Variants in DNAI3 observed in about 807,000 individuals in gnomAD.
The protein encoded by DNAI3 is WD repeat domain 63.
Under a neutral mutation model 115.5 loss-of-function variants are expected in DNAI3, and 83 were observed. The observed-to-expected ratio is 0.72, with a 90% CI of 0.60 to 0.86. The LOEUF is 0.86. Among genes scored for constraint, DNAI3 ranks in the 40% least tolerant of loss-of-function variants. The pLI is 0.00. For missense variants in DNAI3, 1,004 were observed against 1,075.8 expected (o/e 0.93, Z 0.93); for synonymous variants, 320 against 347.0 (o/e 0.92, Z 0.86).
intron 1 of DNAI3, among the ~76,000 whole-genome samples, chr1:85,062,764 A>G (rs1386870548): frequency 6.6e-6 from 1 of 151,672 alleles, no homozygotes; most frequent in Non-Finnish European, 1.5e-5. Flanking sequence ...CATATTGCCT[A>G]GTACATAGTA....
chr1:85,130,148 C>A, intron 22 of DNAI3, 36 bp downstream of exon 22: 2 of 1,611,160 alleles, frequency 1.2e-6, no homozygotes, highest in Non-Finnish European at 1.7e-6. Context: ...ATGTTTTCCT[C>A]GAACACCAGT....
intron 8 of DNAI3, 53 bp from the exon 9 acceptor site, chr1:85,093,405 A>G (rs1466985458): frequency 6.5e-7 from 1 of 1,541,242 alleles, no homozygotes; most frequent in Non-Finnish European, 8.9e-7. Context: ...TAGTCACATT[A>G]TTGGATACTA....
intron 1 of DNAI3, among the ~76,000 whole-genome samples, chr1:85,064,312 C>A (rs1341754950): frequency 6.6e-6 from 1 of 152,066 alleles, no homozygotes; most frequent in African/African-American, 2.4e-5. Context: ...AATAGGATAG[C>A]ATCTACTCAA....
chr1:85,117,046 G>A (rs554827994), intron 16 of DNAI3, among the ~76,000 whole-genome samples: 1 of 152,012 alleles, frequency 6.6e-6, no homozygotes, highest in Admixed American at 6.6e-5. Context: ...TTTCCTCTTG[G>A]GTAATATGAC....
At chr1:85,111,795 T>A (rs1238158272) in intron 16 of DNAI3, among the ~76,000 whole-genome samples, 3 of 152,200 alleles carry the variant, frequency 2.0e-5, no homozygotes, top group Non-Finnish European at 4.4e-5. Context: ...CACTGAGGTA[T>A]AATTGACATA....
chr1:85,087,635 G>A (rs1026064744), intron 7 of DNAI3, among the ~76,000 whole-genome samples: 2 of 152,004 alleles, frequency 1.3e-5, no homozygotes, highest in African/African-American at 4.8e-5. Flanking sequence ...TTACTGCTAT[G>A]TTCCCAACTC....
chr1:85,099,819 A>G (rs1036710644), intron 13 of DNAI3, among the ~76,000 whole-genome samples: 1 of 152,224 alleles, frequency 6.6e-6, no homozygotes, highest in African/African-American at 2.4e-5. Context: ...ATAATGCCGC[A>G]TATCTACAAC....
intron 13 of DNAI3, among the ~76,000 whole-genome samples, chr1:85,103,715 C>T (rs143673182): frequency 0.052 from 7,842 of 151,738 alleles, 268 homozygotes; most frequent in East Asian, 0.15. Flanking sequence ...AGCGAAACCC[C>T]GTCTCTACTA....
intron 13 of DNAI3, among the ~76,000 whole-genome samples, chr1:85,102,762 A>G (rs1429160367): frequency 6.6e-6 from 1 of 152,224 alleles, no homozygotes; most frequent in African/African-American, 2.4e-5. Context: ...ACAAAATTAT[A>G]TGCATACCTT....
At chr1:85,087,434 CAAAAAAAAAAA>C (rs1162431713) in intron 7 of DNAI3, among the ~76,000 whole-genome samples, 1 of 46,654 alleles carries the variant, frequency 2.1e-5, no homozygotes, top group African/African-American at 8.6e-5. Context: ...GACTCCATCT[CAAAAAAAAAAA>C]AAAAAAAAAA....
At position 85,083,261 on chromosome 1, in the gene DNAI3, G is replaced by A. The variant is rs1019266391; in HGVS notation, c.390+857G>A. On this transcript the variant is annotated intron_variant, in intron 5 of 22. Transcript: ENST00000294664. ...TCCCAGCACTTCGGGAGGCTGAGGCGGGATCACTTGAGGCCAGAAGTTCCA... is the reference window on the plus strand; with the variant it reads ...TCCCAGCACTTCGGGAGGCTGAGGCAGGATCACTTGAGGCCAGAAGTTCCA... Among the ~76,000 whole-genome samples the A allele has an allele frequency of 1.8e-4, 27 of 152,206 alleles. 1 individual carries two copies. Among genetic ancestry groups the A allele is most frequent in the South Asian group, 8.3e-4 (4 of 4,820 alleles).
At chr1:85,119,982 G>A (rs1345657283) in intron 17 of DNAI3, among the ~76,000 whole-genome samples, 2 of 152,240 alleles carry the variant, frequency 1.3e-5, no homozygotes, top group Non-Finnish European at 2.9e-5. Flanking sequence ...TTACAGGCGT[G>A]AGCCACTGTG....
At chr1:85,068,893 T>G (rs1654179028) in intron 1 of DNAI3, among the ~76,000 whole-genome samples, 1 of 152,156 alleles carries the variant, frequency 6.6e-6, no homozygotes, top group South Asian at 2.1e-4. Context: ...TTAGGAAGCA[T>G]TATGTAGTTC....
chr1:85,111,237 A>G (rs886984288), intron 16 of DNAI3, among the ~76,000 whole-genome samples: 1 of 152,240 alleles, frequency 6.6e-6, no homozygotes, highest in Non-Finnish European at 1.5e-5. Flanking sequence ...ATGCTAAAAA[A>G]TACTGATTCA....
chr1:85,120,345 T>C (rs1470373310), intron 17 of DNAI3, among the ~76,000 whole-genome samples: 1 of 152,158 alleles, frequency 6.6e-6, no homozygotes, highest in East Asian at 1.9e-4. Flanking sequence ...TGATTTCAGG[T>C]GGGCCAGCCC....
rs145604728 is a variant in DNAI3, at chr1:85,124,549, G to A, written c.2112+298G>A. ...CTTCACTGGCATTTTTTGGGGGTGG[G>A]GGCCAAGGTCTCACTGTGTGGTCCA... is the stretch of plus-strand genomic sequence containing the variant. On this transcript the variant is annotated intron_variant, in intron 19 of 22. Coordinates refer to ENST00000294664, the MANE Select transcript of DNAI3 (RefSeq NM_145172.5). 1.8e-4 allele frequency among the ~76,000 whole-genome samples: 28 copies of A among 152,116 alleles called. 1 individual carries two copies. In the South Asian group the frequency reaches 5.6e-3, roughly 30 times the overall value.
At position 85,110,239 on chromosome 1, in the gene DNAI3, C is replaced by T. The variant is rs1463656632; in HGVS notation, c.1786+104C>T. On this transcript the variant is annotated intron_variant, in intron 16 of 22. Transcript: ENST00000294664. The stretch of plus-strand genomic sequence containing the variant: ...GGCTGAGGCGGGCGGATCACGAGGT[C>T]AGCAGATCGAGATCATCCTGGCTAA... The T allele has an allele frequency of 4.3e-6, 4 of 936,608 alleles. No homozygotes were observed. The Admixed American group carries it at 9.3e-5, about 22-fold the overall frequency. The allele number at this position is 936,608 out of a possible 1,614,324, so 58.0% of individuals were successfully genotyped here.
At chr1:85,117,327 CT>C (rs1407084898) in intron 16 of DNAI3, among the ~76,000 whole-genome samples, 1 of 152,040 alleles carries the variant, frequency 6.6e-6, no homozygotes, top group Non-Finnish European at 1.5e-5. Flanking sequence ...GATTTTCGTT[CT>C]TTTACTCATG....
At position 85,082,305 on chromosome 1, in the gene DNAI3, T is replaced by C. The variant is rs142930369; in HGVS notation, c.291T>C (p.Tyr97=). 7 of 1,610,954 alleles carry C rather than the reference T, an allele frequency of 4.3e-6. No individual in the cohort carries two copies. In the African/African-American group the frequency reaches 8.0e-5, roughly 18 times the overall value. ...FHPVKKIVQE[Y]PGNELLLVYD... ...TCTCAATTATATTCTTGTAGGAATA[T>C]CCTGGAAATGAGCTTCTGCTTGTTT... The change falls in exon 5 of 23, where the codon TAT becomes TAC. Residue 97 remains tyrosine (Y), a synonymous_variant. Transcript: ENST00000294664.
Sources: gnomAD v4.1 joint callset for allele counts (sites outside exome capture counted in the v4.1 genomes callset) on GRCh38, gnomAD v4.1.1 for gene constraint, MANE v1.5 for transcripts, NCBI Gene and HGNC (gene_info 2026-07-23, HGNC 2026-07-21) for gene names.